The following JAK2 variants were observed in gnomAD, a reference collection of about 807,000 sequenced individuals.
JAK2 encodes Janus kinase 2, also known as tyrosine-protein kinase JAK2.
In JAK2, 86 loss-of-function variants were observed where a neutral mutation model predicts 139.3. The ratio of observed to expected loss-of-function variants is 0.62; its 90% confidence interval spans 0.52 to 0.74. The LOEUF (loss-of-function observed/expected upper bound fraction) is 0.74, where lower values mean the gene tolerates loss of function less well. Ranked by LOEUF, JAK2 falls within the 30% of genes least tolerant of loss-of-function variation. The pLI, the probability that JAK2 is intolerant of heterozygous loss-of-function variation, is 0.00. For synonymous variants in JAK2, 490 were observed against 437.7 expected, an observed-to-expected ratio of 1.12 and a Z score of -1.49; for missense variants, 1,421 against 1,360.3, an observed-to-expected ratio of 1.04 and a Z score of -0.70.
intron 4 of JAK2, among the ~76,000 whole-genome samples, chr9:5,042,638 GCTTGT>G (rs1208561268): frequency 2.0e-5 from 3 of 151,832 alleles, no homozygotes; most frequent in African/African-American, 7.3e-5. Context: ...ATAAAGTCCA[GCTTGT>G]CTCCCTCATC....
chr9:5,022,272 G>C, intron 3 of JAK2, 59 bp downstream of exon 3: 2 of 1,127,046 alleles, frequency 1.8e-6, no homozygotes, highest in Non-Finnish European at 2.7e-6. Flanking sequence ...ATTATGCTAT[G>C]CTAATACTAG....
In JAK2 at chr9:5,029,920, T is replaced by G. The variant is rs1163607710; in HGVS notation, c.350+14T>G. ...CTACAGAATAAGGTACTTTCTTCAG[T>G]AAAGTAACTCACTTAATGCTAAAAG... is the stretch of plus-strand genomic sequence containing the variant. On this transcript the variant is annotated intron_variant, in intron 4 of 24. Coordinates refer to ENST00000381652, the MANE Select transcript of JAK2 (RefSeq NM_004972.4). 1 of 1,571,220 alleles carries G rather than the reference T, an allele frequency of 6.4e-7. No individual in the cohort carries two copies. The highest frequency in any genetic ancestry group is 2.0e-5 in the Admixed American group (1 of 49,024).
intron 5 of JAK2, among the ~76,000 whole-genome samples, chr9:5,044,816 A>G (rs1357774695): frequency 1.3e-5 from 2 of 152,224 alleles, no homozygotes; most frequent in Non-Finnish European, 2.9e-5. Flanking sequence ...GGTTTACAAC[A>G]TGATTCATGT....
At chr9:5,033,081 G>A (rs749946396) in intron 4 of JAK2, among the ~76,000 whole-genome samples, 1 of 152,152 alleles carries the variant, frequency 6.6e-6, no homozygotes, top group African/African-American at 2.4e-5. Flanking sequence ...ACCAAGGCAC[G>A]AGAACTACGT....
intron 22 of JAK2, among the ~76,000 whole-genome samples, chr9:5,117,941 T>G (rs1014292818): frequency 3.3e-5 from 5 of 152,220 alleles, no homozygotes; most frequent in African/African-American, 1.2e-4. Flanking sequence ...CTAAAAGAAT[T>G]TAGAAAAACC....
intron 2 of JAK2, among the ~76,000 whole-genome samples, chr9:4,994,335 C>A (rs774083704): frequency 6.6e-6 from 1 of 152,104 alleles, no homozygotes; most frequent in African/African-American, 2.4e-5. Flanking sequence ...GTTTCCTAAC[C>A]CACTGGTTCT....
intron 5 of JAK2, among the ~76,000 whole-genome samples, chr9:5,047,656 TTA>T (rs1413991631): frequency 6.6e-6 from 1 of 152,242 alleles, no homozygotes. Flanking sequence ...CTTTCTTATT[TTA>T]TTTTTTTATA....
Position 5,022,119 on chromosome 9 carries a change from C to A in JAK2, c.132C>A (p.Tyr44Ter). The change falls in exon 3 of 25, where the codon TAC becomes TAA. Residue 44 changes from tyrosine to a stop codon, truncating the protein, a stop_gained. Transcript: ENST00000381652. LOFTEE classifies it high-confidence loss of function. ...QIDPVLQVYL[Y>*]HSLGKSEADY... ...ATCCAGTTCTTCAGGTGTATCTTTA[C>A]CATTCCCTTGGGAAATCTGAGGCAG... 2 of 1,614,014 alleles carry A rather than the reference C, an allele frequency of 1.2e-6. No homozygotes were observed. The highest frequency in any genetic ancestry group is 1.7e-6 in the Non-Finnish European group (2 of 1,179,902).
At chr9:5,001,359 T>G (rs138332552) in intron 2 of JAK2, among the ~76,000 whole-genome samples, 74 of 152,292 alleles carry the variant, frequency 4.9e-4, no homozygotes, top group African/African-American at 1.5e-3. Context: ...GGAAATTCCC[T>G]TCTTTTTCTA....
chr9:5,042,010 C>T (rs1221396110), intron 4 of JAK2: 4 of 339,462 alleles, frequency 1.2e-5, no homozygotes, highest in African/African-American at 2.2e-5. Context: ...CCACCCACAG[C>T]GGCCCAGGGC....
At chr9:5,031,785 A>G (rs539038993) in intron 4 of JAK2, among the ~76,000 whole-genome samples, 4 of 152,358 alleles carry the variant, frequency 2.6e-5, no homozygotes, top group African/African-American at 7.2e-5. Context: ...GGTGGAGCCA[A>G]GATGACTGAA....
At position 5,077,533 on chromosome 9, in the gene JAK2, T is replaced by C. The variant is rs771530862; in HGVS notation, c.1945T>C (p.Trp649Arg). 9 of 1,489,826 alleles carry C rather than the reference T, an allele frequency of 6.0e-6. No individual in the cohort carries two copies. The highest frequency in any genetic ancestry group is 8.1e-6 in the Non-Finnish European group (9 of 1,117,040). 92.3% of individuals were successfully genotyped at this position (1,489,826 alleles called of 1,614,324 possible). A position where few individuals can be genotyped will look rare whatever the true frequency, so the allele number is the denominator to read the frequency against. Residue 649 changes from tryptophan (W) to arginine (R), a missense_variant, in exon 15 of 25, where the codon TGG becomes CGG. Physicochemically the swap from Trp to Arg is moderately radical, Grantham distance 101. Transcript: ENST00000381652. ...GAATAAAAATTGTATAAATATATTA[T>C]GGAAACTTGAAGTTGCTAAACAGTT... is the stretch of plus-strand genomic sequence containing the variant. ...KKNKNCINIL[W>R]KLEVAKQLAW...
intron 19 of JAK2, among the ~76,000 whole-genome samples, chr9:5,084,224 T>C (rs568612882): frequency 5.1e-4 from 78 of 152,284 alleles, no homozygotes; most frequent in African/African-American, 1.9e-3. Flanking sequence ...GGTGTAATCA[T>C]TAGTCAGTCA....
intron 8 of JAK2, among the ~76,000 whole-genome samples, chr9:5,063,000 T>A (rs892658990): frequency 6.6e-6 from 1 of 152,194 alleles, no homozygotes; most frequent in African/African-American, 2.4e-5. Context: ...CCAAGTCTTT[T>A]AATTTTGTTT....
intron 19 of JAK2, among the ~76,000 whole-genome samples, chr9:5,087,085 A>G (rs960025942): frequency 1.3e-5 from 2 of 152,218 alleles, no homozygotes; most frequent in Admixed American, 6.5e-5. Flanking sequence ...ATTGGTTTCC[A>G]ACATTGGTTA....
At chr9:5,041,352 A>T in intron 4 of JAK2, 1 of 642,456 alleles carries the variant, frequency 1.6e-6, no homozygotes, top group Admixed American at 2.4e-5. Flanking sequence ...ACGGCGTGCT[A>T]CATGAGCATC....
At chr9:5,094,167 C>T (rs1820798563) in intron 22 of JAK2, 1 of 152,130 alleles carries the variant, frequency 6.6e-6, no homozygotes, top group African/African-American at 2.4e-5. Flanking sequence ...TTACACTTAA[C>T]AGTTACGCAA....
intron 22 of JAK2, chr9:5,100,665 G>T (rs940424669): frequency 6.6e-6 from 1 of 152,172 alleles, no homozygotes; most frequent in Non-Finnish European, 1.5e-5. Flanking sequence ...AGGAGTTTCA[G>T]TTACTTCGGC....
At chr9:5,039,601 TA>T (rs917402130) in intron 4 of JAK2, among the ~76,000 whole-genome samples, 1 of 151,920 alleles carries the variant, frequency 6.6e-6, no homozygotes, top group African/African-American at 2.4e-5. Context: ...AAGGAATTAA[TA>T]AAAAAACTAT....
Sources: allele counts gnomAD v4.1 joint callset (sites outside exome capture counted in the v4.1 genomes callset), GRCh38; gene constraint gnomAD v4.1.1; transcripts MANE v1.5; gene names NCBI Gene and HGNC (gene_info 2026-07-23, HGNC 2026-07-21).